HNRNPR: variants seen among roughly 807,000 people sequenced by gnomAD.
The protein encoded by HNRNPR is heterogeneous nuclear ribonucleoprotein R.
A neutral mutation model predicts 70.3 loss-of-function variants in HNRNPR; 4 were observed. The observed-to-expected ratio is 0.06, with a 90% CI of 0.03 to 0.13. The LOEUF is 0.13. Among genes scored for constraint, HNRNPR ranks in the 10% least tolerant of loss-of-function variants. The probability of loss-of-function intolerance (pLI) is 1.00; values close to 1 mark genes in which losing one functional copy is unlikely to be tolerated. For synonymous variants in HNRNPR, 241 were observed against 267.6 expected (o/e 0.90, Z 0.97); for missense variants, 423 against 788.5 (o/e 0.54, Z 5.55).
intron 1 of HNRNPR, among the ~76,000 whole-genome samples, chr1:23,342,719 A>G (rs566439253): frequency 5.3e-5 from 8 of 152,306 alleles, no homozygotes; most frequent in African/African-American, 1.9e-4. Flanking sequence ...TCAGTATCAC[A>G]AGACCCTTAC....
chr1:23,323,621 G>C lies in HNRNPR; in HGVS notation c.610C>G (p.Gln204Glu). The C allele has an allele frequency of 3.1e-6, 5 of 1,614,034 alleles. No individual in the cohort carries two copies. The highest frequency in any genetic ancestry group is 4.2e-6 in the Non-Finnish European group (5 of 1,179,978). Residue 204 changes from glutamine to glutamate, a missense_variant, in exon 6 of 11, where the codon CAG becomes GAG. Gln to Glu is a conservative substitution (Grantham distance 29, BLOSUM62 2). Around this residue, in one of 7 missense-constraint regions of HNRNPR, gnomAD observed 118 missense variants for 239.3 expected, o/e 0.49. Transcript: ENST00000302271. Reference protein sequence around the residue: ...LRLMMDPLSGQNRGYAFITFC... With the variant: ...LRLMMDPLSGENRGYAFITFC... Reference sequence around the variant, plus strand: ...GTGATAAATGCATACCCTCTATTCTGACCGGACAGTGGATCCATCATAAGA... The same window carrying C: ...GTGATAAATGCATACCCTCTATTCTCACCGGACAGTGGATCCATCATAAGA...
rs1311709595 is a variant in HNRNPR at position 23,309,709 on chromosome 1, A to C, written c.*745T>G. 1 of 152,640 alleles carries C rather than the reference A, an allele frequency of 6.6e-6. No homozygotes were observed. Among genetic ancestry groups the C allele is most frequent in the Non-Finnish European group, 1.5e-5 (1 of 68,000 alleles). 9.5% of individuals were successfully genotyped at this position (152,640 alleles called of 1,614,324 possible). On this transcript the variant is annotated 3_prime_UTR_variant, in exon 11 of 11. Transcript: ENST00000302271. ...TTTGATCACTCACATAGGCAGTTAT[A>C]CTTTGAAAACAATATTCCTTGCAAG...
chr1:23,324,473 C>A (rs747968094), intron 5 of HNRNPR, among the ~76,000 whole-genome samples: 1 of 152,118 alleles, frequency 6.6e-6, no homozygotes, highest in Non-Finnish European at 1.5e-5. Flanking sequence ...GAGGCTGAGG[C>A]AGGAGAATGG....
Position 23,310,272 on chromosome 1 carries a change from T to G in HNRNPR, c.*182A>C. ...CAAGCCCAATAATGTCCAAGAGCAT[T>G]TATGAAAAGAGGAAAAATAAAAAGA... is the stretch of plus-strand genomic sequence containing the variant. On this transcript the variant is annotated 3_prime_UTR_variant, in exon 11 of 11. Transcript: ENST00000302271. The surrounding 1 kb of genome is among the most constrained non-coding windows in gnomAD (Gnocchi z 6.0). 1.8e-6 allele frequency: 1 copy of G among 559,712 alleles called. No homozygotes were observed. The highest frequency in any genetic ancestry group is 3.1e-6 in the Non-Finnish European group (1 of 327,094). 34.7% of individuals were successfully genotyped at this position (559,712 alleles called of 1,614,324 possible). A position where few individuals can be genotyped will look rare whatever the true frequency, so the allele number is the denominator to read the frequency against.
chr1:23,317,765 T>C (rs1390860416), intron 8 of HNRNPR, among the ~76,000 whole-genome samples: 2 of 151,988 alleles, frequency 1.3e-5, no homozygotes, highest in African/African-American at 4.8e-5. Context: ...GGGTAGATCA[T>C]GAGCTTAGGA....
At chr1:23,340,199 G>T (rs181082700) in intron 2 of HNRNPR, among the ~76,000 whole-genome samples, 26 of 151,868 alleles carry the variant, frequency 1.7e-4, no homozygotes, top group African/African-American at 5.6e-4. Context: ...TATGAACAAC[G>T]CTCCCTAAGG....
intron 8 of HNRNPR, among the ~76,000 whole-genome samples, chr1:23,315,582 A>G (rs985560883): frequency 6.6e-6 from 1 of 152,172 alleles, no homozygotes; most frequent in African/African-American, 2.4e-5. Flanking sequence ...TACTAAAAGG[A>G]AACCAGCAAC....
intron 5 of HNRNPR, among the ~76,000 whole-genome samples, chr1:23,331,834 T>TAAAAAAAAAAAAAAA (rs59006948): frequency 3.9e-4 from 23 of 59,266 alleles, no homozygotes; most frequent in African/African-American, 1.0e-3. Context: ...ACTGTTTCTT[T>TAAAAAAAAAAAAAAA]AAAAAAAAAA....
intron 4 of HNRNPR, among the ~76,000 whole-genome samples, chr1:23,335,492 C>G (rs1263574748): frequency 1.3e-5 from 2 of 152,264 alleles, no homozygotes; most frequent in African/African-American, 2.4e-5. Context: ...TACAGCCGCT[C>G]CTCATCCTCC....
intron 9 of HNRNPR, 69 bp downstream of exon 9, chr1:23,313,484 T>C: frequency 9.8e-7 from 1 of 1,017,824 alleles, no homozygotes; most frequent in Non-Finnish European, 1.4e-6. Context: ...GTTTTTAAAG[T>C]TACTTTGTGT....
intron 5 of HNRNPR, among the ~76,000 whole-genome samples, chr1:23,324,941 C>T (rs1175618405): frequency 2.0e-5 from 3 of 151,848 alleles, no homozygotes; most frequent in African/African-American, 7.3e-5. Context: ...GAGACCGAGA[C>T]CATCCTGGCT....
intron 5 of HNRNPR, among the ~76,000 whole-genome samples, chr1:23,331,351 C>A (rs1646213123): frequency 6.8e-6 from 1 of 147,066 alleles, no homozygotes; most frequent in South Asian, 2.1e-4. Flanking sequence ...CACTTCAGCC[C>A]ATGAGTTGGA....
intron 4 of HNRNPR, among the ~76,000 whole-genome samples, chr1:23,337,448 G>A (rs1246059541): frequency 6.6e-6 from 1 of 152,104 alleles, no homozygotes; most frequent in Non-Finnish European, 1.5e-5. Flanking sequence ...ACAAGGTCAG[G>A]AGATCGAGAC....
Position 23,336,703 on chromosome 1 carries a change from T to C in HNRNPR, c.384+1051A>G, listed in dbSNP as rs183323345. Among the ~76,000 whole-genome samples the C allele has an allele frequency of 1.5e-3, 202 of 131,292 alleles. 1 individual carries two copies. Among genetic ancestry groups the C allele is most frequent in the African/African-American group, 7.1e-3 (192 of 27,136 alleles). The allele number at this position is 131,292 out of a possible 152,430, so 86.1% of individuals were successfully genotyped here. ...AGACAGAGGTTGAAGTGAGCTGAGATGAGCTGAGATGGCGCTACTGCACTC... is the reference window on the plus strand; with the variant it reads ...AGACAGAGGTTGAAGTGAGCTGAGACGAGCTGAGATGGCGCTACTGCACTC... On this transcript the variant is annotated intron_variant, in intron 4 of 10. Coordinates refer to ENST00000302271, the MANE Select transcript of HNRNPR (RefSeq NM_005826.5).
At chr1:23,330,667 A>G (rs1646185557) in intron 5 of HNRNPR, among the ~76,000 whole-genome samples, 1 of 152,188 alleles carries the variant, frequency 6.6e-6, no homozygotes, top group Non-Finnish European at 1.5e-5. Flanking sequence ...CAAAATTACT[A>G]CCTATCATCC....
chr1:23,335,451 G>A (rs532555424), intron 4 of HNRNPR, among the ~76,000 whole-genome samples: 9 of 152,304 alleles, frequency 5.9e-5, no homozygotes, highest in Middle Eastern at 3.4e-3. Flanking sequence ...GGTAAATAGC[G>A]GGCAAGTGAG....
chr1:23,312,516 A>G (rs1535179), intron 9 of HNRNPR, among the ~76,000 whole-genome samples: 11,298 of 152,286 alleles, frequency 0.074, 864 homozygotes, highest in Admixed American at 0.23. Flanking sequence ...AAATGAACGG[A>G]TAAGAGTATA....
At chr1:23,327,312 A>G (rs957664749) in intron 5 of HNRNPR, among the ~76,000 whole-genome samples, 1 of 152,200 alleles carries the variant, frequency 6.6e-6, no homozygotes, top group Non-Finnish European at 1.5e-5. Context: ...ATATTTTTCT[A>G]GATTCTAGAA....
rs1645645375 is a variant in HNRNPR at position 23,318,779 on chromosome 1, A to T, written c.812-91T>A. The T allele has an allele frequency of 6.8e-6, 8 of 1,175,438 alleles. No homozygotes were observed. The highest frequency in any genetic ancestry group is 8.6e-6 in the Non-Finnish European group (7 of 815,364). 72.8% of individuals were successfully genotyped at this position (1,175,438 alleles called of 1,614,324 possible). On this transcript the variant is annotated intron_variant, in intron 7 of 10. Transcript: ENST00000302271. The surrounding 1 kb of genome is among the most constrained non-coding windows in gnomAD (Gnocchi z 4.2). ...CCTAAATCCACTTGACGATGAGCAA[A>T]ATATAAGTGAAGCAGCCTCAACATG...
Sources: allele counts gnomAD v4.1 joint callset (sites outside exome capture counted in the v4.1 genomes callset), GRCh38; gene constraint gnomAD v4.1.1; regional missense constraint gnomAD v4.1.1; non-coding constraint Gnocchi (gnomAD v3.1); transcripts MANE v1.5; gene names NCBI Gene and HGNC (gene_info 2026-07-23, HGNC 2026-07-21).